The following KIF16B variants were observed in gnomAD, a reference collection of about 807,000 sequenced individuals.
The protein encoded by KIF16B is kinesin-like protein KIF16B.
In KIF16B, 98 loss-of-function variants were observed where a neutral mutation model predicts 156.3. The ratio of observed to expected loss-of-function variants is 0.63; its 90% CI spans 0.53 to 0.74. KIF16B has a LOEUF of 0.74. Among genes scored for constraint, KIF16B ranks in the 30% least tolerant of loss-of-function variants. KIF16B has a pLI of 0.00. For missense variants in KIF16B, 1,421 were observed against 1,606.5 expected, an observed-to-expected ratio of 0.88 and a Z score of 1.97; for synonymous variants, 564 against 583.7, an observed-to-expected ratio of 0.97 and a Z score of 0.49.
chr20:16,451,005 C>A (rs901478779), intron 12 of KIF16B, among the ~76,000 whole-genome samples: 6 of 152,142 alleles, frequency 3.9e-5, no homozygotes, highest in Non-Finnish European at 5.9e-5. Flanking sequence ...GTCATACCTG[C>A]GCGTTTACAG....
chr20:16,476,077 C>G (rs115050199), intron 12 of KIF16B, among the ~76,000 whole-genome samples: 1 of 152,226 alleles, frequency 6.6e-6, no homozygotes, highest in East Asian at 1.9e-4. Flanking sequence ...GTATCTGTCA[C>G]GTCTTCAGAC....
At chr20:16,283,165 C>T (rs1031102212) in intron 25 of KIF16B, among the ~76,000 whole-genome samples, 4 of 152,044 alleles carry the variant, frequency 2.6e-5, no homozygotes, top group Non-Finnish European at 5.9e-5. Context: ...GGCAAAGAGG[C>T]GAAATTAAGG....
At chr20:16,565,648 C>A (rs1023862959) in intron 1 of KIF16B, among the ~76,000 whole-genome samples, 1 of 152,204 alleles carries the variant, frequency 6.6e-6, no homozygotes, top group Non-Finnish European at 1.5e-5. Flanking sequence ...GAATTCACTT[C>A]CACCACAGCA....
chr20:16,483,386 T>C (rs1277731158), intron 12 of KIF16B, among the ~76,000 whole-genome samples: 2 of 152,182 alleles, frequency 1.3e-5, no homozygotes, highest in Non-Finnish European at 2.9e-5. Flanking sequence ...CCTGATAAAA[T>C]ACGTCTAAGT....
rs2068844038 is a variant in KIF16B, at chr20:16,508,117, AAG to A, written c.557-19_557-18del. 1 of 1,613,204 alleles carries A rather than the reference AAG, an allele frequency of 6.2e-7. No individual in the cohort carries two copies. The highest frequency in any genetic ancestry group is 8.5e-7 in the Non-Finnish European group (1 of 1,179,400). ...TGGATAAATCTGAAAAAGAAAATGG[AAG>A]GGGTGAAGAAATCCCCCTAATATAT... On this transcript the variant is annotated intron_variant, in intron 6 of 25. Transcript: ENST00000354981.
At chr20:16,296,717 C>G (rs950879381) in intron 25 of KIF16B, among the ~76,000 whole-genome samples, 2 of 152,184 alleles carry the variant, frequency 1.3e-5, no homozygotes, top group African/African-American at 4.8e-5. Flanking sequence ...AAATTACCAA[C>G]ACAGCCGTAT....
chr20:16,294,794 G>T (rs1239150768), intron 25 of KIF16B, among the ~76,000 whole-genome samples: 4 of 152,160 alleles, frequency 2.6e-5, no homozygotes, highest in Non-Finnish European at 1.5e-5. Flanking sequence ...GGGGCTGTTG[G>T]TGAGTAAGGG....
In KIF16B at chr20:16,379,221, T is replaced by A; in HGVS notation, c.2781A>T (p.Ala927=). ...GAGGGCCTCTGTCAAGAATTTCAAA[T>A]GCTCTCTGCTTTTCTTCCAACAGAG... ...LPTLLEEKQR[A]FEILDRGPLS... is the part of the protein sequence containing the mutation. Residue 927 remains alanine (A), a synonymous_variant, in exon 19 of 26, where the codon GCA becomes GCT. Coordinates refer to ENST00000354981, the MANE Select transcript of KIF16B (RefSeq NM_024704.5). 1 of 1,614,206 alleles carries A rather than the reference T, an allele frequency of 6.2e-7. No individual in the cohort carries two copies. Among genetic ancestry groups the A allele is most frequent in the Non-Finnish European group, 8.5e-7 (1 of 1,180,034 alleles).
chr20:16,511,547 TTGAATTCAGAAAAA>T lies in KIF16B; in HGVS notation c.447-34_447-21del. The T allele has an allele frequency of 2.0e-6, 3 of 1,475,328 alleles. No homozygotes were observed. The Middle Eastern group carries it at 5.2e-4, about 256-fold the overall frequency. The allele number at this position is 1,475,328 out of a possible 1,614,324, so 91.4% of individuals were successfully genotyped here. A position where few individuals can be genotyped will look rare whatever the true frequency, so the allele number is the denominator to read the frequency against. Reference sequence around the variant, plus strand: ...AAGTAGCTAAAAATTTAAAATAAAATTGAATTCAGAAAAATGATTTCAGACATTAATATCAGTAA... The same window carrying T: ...AAGTAGCTAAAAATTTAAAATAAAATTGATTTCAGACATTAATATCAGTAA... On this transcript the variant is annotated intron_variant, in intron 5 of 25. Coordinates refer to ENST00000354981, the MANE Select transcript of KIF16B (RefSeq NM_024704.5).
chr20:16,438,146 C>CA (rs951579756), intron 12 of KIF16B, among the ~76,000 whole-genome samples: 11 of 150,044 alleles, frequency 7.3e-5, no homozygotes, highest in South Asian at 2.1e-4. Context: ...GACTCCGTCT[C>CA]AAAAAAAAAG....
chr20:16,360,173 G>A (rs2064524797), intron 22 of KIF16B, among the ~76,000 whole-genome samples: 1 of 152,064 alleles, frequency 6.6e-6, no homozygotes, highest in Non-Finnish European at 1.5e-5. Context: ...TCAATTTCAT[G>A]AGAAATGTGG....
chr20:16,492,140 G>A (rs1418798510), intron 12 of KIF16B, among the ~76,000 whole-genome samples: 1 of 152,204 alleles, frequency 6.6e-6, no homozygotes, highest in African/African-American at 2.4e-5. Context: ...CTGAGTTGGG[G>A]TGGGTTTTAT....
chr20:16,290,708 G>A (rs766771176), intron 25 of KIF16B, among the ~76,000 whole-genome samples: 25 of 152,148 alleles, frequency 1.6e-4, no homozygotes, highest in African/African-American at 2.4e-4. Context: ...CTGTGGCCCC[G>A]AGTGGTGGGC....
At chr20:16,349,665 T>C (rs2123091473) in intron 23 of KIF16B, among the ~76,000 whole-genome samples, 1 of 152,348 alleles carries the variant, frequency 6.6e-6, no homozygotes, top group African/African-American at 2.4e-5. Context: ...TTGCACCTGC[T>C]GCCTCGGGTT....
chr20:16,418,450 G>A (rs528530857), intron 15 of KIF16B, among the ~76,000 whole-genome samples: 12 of 152,172 alleles, frequency 7.9e-5, no homozygotes, highest in Non-Finnish European at 1.3e-4. Flanking sequence ...TAACTGCCAC[G>A]GCTTTCATTC....
intron 12 of KIF16B, among the ~76,000 whole-genome samples, chr20:16,477,738 G>A (rs1169740220): frequency 6.6e-6 from 1 of 152,130 alleles, no homozygotes; most frequent in Non-Finnish European, 1.5e-5. Flanking sequence ...TTCAAAATAT[G>A]CCTGGCGTTT....
intron 17 of KIF16B, among the ~76,000 whole-genome samples, chr20:16,384,110 T>C (rs909662536): frequency 1.2e-4 from 19 of 152,370 alleles, no homozygotes; most frequent in African/African-American, 4.6e-4. Flanking sequence ...CAACTGTTGC[T>C]ACTAGTGAGC....
At chr20:16,352,867 G>C (rs2064365216) in intron 23 of KIF16B, among the ~76,000 whole-genome samples, 1 of 152,248 alleles carries the variant, frequency 6.6e-6, no homozygotes, top group South Asian at 2.1e-4. Context: ...AAATCAGCTG[G>C]GACCCTAAAT....
intron 24 of KIF16B, among the ~76,000 whole-genome samples, chr20:16,330,305 G>A (rs1226663036): frequency 1.3e-5 from 2 of 152,126 alleles, no homozygotes; most frequent in Non-Finnish European, 2.9e-5. Context: ...GAGACATTAA[G>A]GTAAATAATT....
Sources: allele counts gnomAD v4.1 joint callset (sites outside exome capture counted in the v4.1 genomes callset), GRCh38; gene constraint gnomAD v4.1.1; transcripts MANE v1.5; gene names NCBI Gene and HGNC (gene_info 2026-07-23, HGNC 2026-07-21).